ZBTB20: variants seen among roughly 807,000 people sequenced by gnomAD.
ZBTB20 encodes the protein zinc finger and BTB domain-containing protein 20.
A neutral mutation model predicts 56.9 loss-of-function variants in ZBTB20; 9 were observed. The observed-to-expected ratio is 0.16, with a 90% CI of 0.10 to 0.28. The LOEUF (loss-of-function observed/expected upper bound fraction) is 0.28. ZBTB20 is among the 10% of genes least tolerant of loss of function. ZBTB20 has a pLI of 1.00. For synonymous variants in ZBTB20, 417 were observed against 420.7 expected, an observed-to-expected ratio of 0.99 and a Z score of 0.11; for missense variants, 655 against 1,003.0, an observed-to-expected ratio of 0.65 and a Z score of 4.69.
intron 1 of ZBTB20, among the ~76,000 whole-genome samples, chr3:115,087,341 G>A (rs996774669): frequency 2.0e-5 from 3 of 151,638 alleles, no homozygotes; most frequent in Admixed American, 6.6e-5. Context: ...CCTTTTTCCA[G>A]TTATATCTTC....
At chr3:114,360,734 A>G (rs2081777142) in intron 10 of ZBTB20, among the ~76,000 whole-genome samples, 1 of 152,298 alleles carries the variant, frequency 6.6e-6, no homozygotes, top group African/African-American at 2.4e-5. Flanking sequence ...GGAAAAGCCA[A>G]GGAAAAAAGT....
At chr3:114,555,560 G>T (rs1246670947) in intron 6 of ZBTB20, among the ~76,000 whole-genome samples, 3 of 152,066 alleles carry the variant, frequency 2.0e-5, no homozygotes, top group Non-Finnish European at 4.4e-5. Context: ...GTCCACATGA[G>T]TAGACATTCT....
rs1196732375 is a variant in ZBTB20 at position 114,380,781 on chromosome 3, C to G, written c.7G>C (p.Glu3Gln). 4 of 1,511,614 alleles carry G rather than the reference C, an allele frequency of 2.6e-6. No individual in the cohort carries two copies. The highest frequency in any genetic ancestry group is 3.5e-6 in the Non-Finnish European group (4 of 1,138,040). The allele number at this position is 1,511,614 out of a possible 1,614,324, so 93.6% of individuals were successfully genotyped here. A position where few individuals can be genotyped will look rare whatever the true frequency, so the allele number is the denominator to read the frequency against. ...AAATACTAGTGGAAGTTTTACCGTT[C>G]TAGCATTTGTCAGGAAGCTTAGAGA... MLERKKPKTAENQ... is the reference protein window; with the variant it reads MLQRKKPKTAENQ... The change falls in exon 9 of 12, where the codon GAA (glutamate) becomes CAA (glutamine). Residue 3 changes from glutamate (E) to glutamine (Q), a missense_variant. Around this residue, in one of 10 missense-constraint regions of ZBTB20, gnomAD observed 79 missense variants for 78.4 expected, o/e 1.01. Transcript: ENST00000675478.
chr3:114,744,319 T>C (rs1560196363), intron 5 of ZBTB20, among the ~76,000 whole-genome samples: 2 of 152,130 alleles, frequency 1.3e-5, no homozygotes. Flanking sequence ...CTTTCGATTA[T>C]TGCAATGGTG....
intron 7 of ZBTB20, among the ~76,000 whole-genome samples, chr3:114,427,512 A>G (rs2089775879): frequency 6.6e-6 from 1 of 152,264 alleles, no homozygotes; most frequent in African/African-American, 2.4e-5. Flanking sequence ...GGGTTAAGAT[A>G]GAGCTTAATG....
chr3:114,926,912 A>G (rs917483692), intron 3 of ZBTB20, among the ~76,000 whole-genome samples: 4 of 152,044 alleles, frequency 2.6e-5, no homozygotes, highest in East Asian at 1.9e-4. Flanking sequence ...CTAATTTTCT[A>G]TTTTATTTTT....
intron 3 of ZBTB20, among the ~76,000 whole-genome samples, chr3:114,953,934 G>C (rs7649730): frequency 0.33 from 49,479 of 151,870 alleles, 9,461 homozygotes; most frequent in East Asian, 0.65. Context: ...AAGGTTTTTT[G>C]ATATAGCCAA....
intron 2 of ZBTB20, among the ~76,000 whole-genome samples, chr3:115,056,106 A>C (rs2081770532): frequency 6.6e-6 from 1 of 152,156 alleles, no homozygotes; most frequent in South Asian, 2.1e-4. Context: ...CAAAATAATG[A>C]GAGATACATA....
At chr3:114,500,848 G>A (rs897989866) in intron 6 of ZBTB20, among the ~76,000 whole-genome samples, 1 of 152,136 alleles carries the variant, frequency 6.6e-6, no homozygotes, top group African/African-American at 2.4e-5. Context: ...GCTGGTGACT[G>A]CCTTACTGGA....
At chr3:114,791,753 A>C (rs73228332) in intron 5 of ZBTB20, 10 of 152,334 alleles carry the variant, frequency 6.6e-5, no homozygotes, top group Non-Finnish European at 1.3e-4. Flanking sequence ...ACCTTGTCAA[A>C]AATCTAAATC....
chr3:114,543,059 G>T (rs1029049721), intron 6 of ZBTB20, among the ~76,000 whole-genome samples: 7 of 151,876 alleles, frequency 4.6e-5, no homozygotes, highest in Non-Finnish European at 1.0e-4. Flanking sequence ...CTGATTCCAG[G>T]ACCCCACTGC....
intron 1 of ZBTB20, among the ~76,000 whole-genome samples, chr3:115,113,330 T>C (rs564693764): frequency 6.6e-6 from 1 of 152,362 alleles, no homozygotes; most frequent in South Asian, 2.1e-4. Flanking sequence ...AGTTTGCATA[T>C]AATTGATGGG....
chr3:114,487,687 G>A lies in ZBTB20; in HGVS notation c.-255+12665C>T, dbSNP rs114631070. On this transcript the variant is annotated intron_variant, in intron 7 of 11. Transcript: ENST00000675478. Reference sequence around the variant, plus strand: ...CCCTGTCCCAGAACACAGGGAAGACGCCCTGTCATCACAGTTTGCACGGCA... The same window carrying A: ...CCCTGTCCCAGAACACAGGGAAGACACCCTGTCATCACAGTTTGCACGGCA... Among the ~76,000 whole-genome samples the A allele has an allele frequency of 9.0e-3, 1,372 of 152,270 alleles. 24 individuals carry two copies. Among genetic ancestry groups the A allele is most frequent in the African/African-American group, 0.031 (1,299 of 41,546 alleles).
chr3:114,487,718 G>A (rs1314382798), intron 7 of ZBTB20, among the ~76,000 whole-genome samples: 3 of 152,194 alleles, frequency 2.0e-5, no homozygotes, highest in Middle Eastern at 3.2e-3. Flanking sequence ...CGGCAGAGGC[G>A]GAGGTGATGC....
At chr3:114,780,008 T>C (rs1017440537) in intron 5 of ZBTB20, among the ~76,000 whole-genome samples, 1 of 152,214 alleles carries the variant, frequency 6.6e-6, no homozygotes, top group African/African-American at 2.4e-5. Flanking sequence ...TGAAGTAGTT[T>C]AGTGAATTTT....
chr3:114,352,010 A>T, intron 10 of ZBTB20, 132 bp from the exon 11 acceptor site: 3 of 1,152,596 alleles, frequency 2.6e-6, no homozygotes, highest in Non-Finnish European at 3.6e-6. Context: ...GCAAGTGGGG[A>T]GATGGACAGG....
rs377744978 is a variant in ZBTB20 at position 114,448,534 on chromosome 3, T to C, written c.-255+51818A>G. 3.3e-5 allele frequency among the ~76,000 whole-genome samples: 5 copies of C among 152,230 alleles called. No homozygotes were observed. In the East Asian group the frequency reaches 5.8e-4, roughly 18 times the overall value. ...TGAAAGCTTTCCAAGAGATTGCAGG[T>C]TAAAAAATCTCTTCTTCAGAATACT... On this transcript the variant is annotated intron_variant, in intron 7 of 11. Coordinates refer to ENST00000675478, the MANE Select transcript of ZBTB20 (RefSeq NM_001348800.3).
chr3:114,765,234 C>T (rs1041291061), intron 5 of ZBTB20, among the ~76,000 whole-genome samples: 5 of 152,096 alleles, frequency 3.3e-5, no homozygotes, highest in Non-Finnish European at 7.4e-5. Flanking sequence ...TCCCAAAATT[C>T]ATATGTTAAA....
chr3:114,413,606 T>C (rs896058960), intron 7 of ZBTB20, among the ~76,000 whole-genome samples: 1 of 152,170 alleles, frequency 6.6e-6, no homozygotes, highest in Admixed American at 6.6e-5. Flanking sequence ...GCTTTTCTTA[T>C]AATCACATGC....
Sources: allele counts gnomAD v4.1 joint callset (sites outside exome capture counted in the v4.1 genomes callset), GRCh38; gene constraint gnomAD v4.1.1; regional missense constraint gnomAD v4.1.1; transcripts MANE v1.5; gene names NCBI Gene and HGNC (gene_info 2026-07-23, HGNC 2026-07-21).